Variants in VSNL1 observed in about 807,000 individuals in gnomAD.
VSNL1 encodes the protein visinin like 1.
VSNL1 carries 6 observed loss-of-function variants against 20.4 expected under a neutral mutation model. The ratio of observed to expected loss-of-function variants is 0.29; its 90% CI spans 0.16 to 0.58. The LOEUF (loss-of-function observed/expected upper bound fraction) is 0.58, where lower values mean the gene tolerates loss of function less well. Ranked by LOEUF, VSNL1 falls within the 20% of genes least tolerant of loss-of-function variation. The pLI, the probability that VSNL1 is intolerant of heterozygous loss-of-function variation, is 0.90. For synonymous variants in VSNL1, 93 were observed against 86.4 expected (o/e 1.08, Z -0.42); for missense variants, 100 against 234.5 (o/e 0.43, Z 3.75).
intron 1 of VSNL1, among the ~76,000 whole-genome samples, chr2:17,591,001 AGT>A (rs1249298020): frequency 2.6e-5 from 4 of 152,126 alleles, no homozygotes; most frequent in Non-Finnish European, 5.9e-5. Flanking sequence ...TATTAGCAAT[AGT>A]CTTATTATTA....
chr2:17,606,184 T>C (rs1664940144), intron 2 of VSNL1, among the ~76,000 whole-genome samples: 1 of 152,194 alleles, frequency 6.6e-6, no homozygotes, highest in Admixed American at 6.5e-5. Flanking sequence ...GTGATCCTCA[T>C]CCCCACTAAT....
At chr2:17,650,770 T>G (rs1228736259) in intron 3 of VSNL1, among the ~76,000 whole-genome samples, 2 of 152,264 alleles carry the variant, frequency 1.3e-5, no homozygotes, top group South Asian at 4.1e-4. Context: ...ACCCATCAAC[T>G]CCCTGCCTGG....
chr2:17,623,350 C>T (rs1665429215), intron 2 of VSNL1, among the ~76,000 whole-genome samples: 1 of 152,054 alleles, frequency 6.6e-6, no homozygotes, highest in African/African-American at 2.4e-5. Flanking sequence ...GATGCCACAA[C>T]AGAAAAATGG....
intron 1 of VSNL1, among the ~76,000 whole-genome samples, chr2:17,583,367 T>C (rs1178656860): frequency 6.6e-6 from 1 of 152,220 alleles, no homozygotes; most frequent in Non-Finnish European, 1.5e-5. Context: ...CACTGGGACT[T>C]GGCAGCACAA....
chr2:17,556,809 A>G (rs375945094), intron 1 of VSNL1, among the ~76,000 whole-genome samples: 1 of 152,212 alleles, frequency 6.6e-6, no homozygotes, highest in African/African-American at 2.4e-5. Context: ...GCATGAATCA[A>G]AGGACACCAA....
chr2:17,626,900 G>T (rs1665521469), intron 2 of VSNL1, among the ~76,000 whole-genome samples: 1 of 152,244 alleles, frequency 6.6e-6, no homozygotes, highest in Non-Finnish European at 1.5e-5. Flanking sequence ...AGCCTGGCCT[G>T]ACCATGGCCA....
At position 17,655,967 on chromosome 2, in the gene VSNL1, T is replaced by C. The variant is rs1666221828; in HGVS notation, c.*573T>C. The C allele has an allele frequency of 6.5e-6, 1 of 152,910 alleles. No homozygotes were observed. The highest frequency in any genetic ancestry group is 6.5e-5 in the Admixed American group (1 of 15,298). The allele number at this position is 152,910 out of a possible 1,614,324, so 9.5% of individuals were successfully genotyped here. A position where few individuals can be genotyped will look rare whatever the true frequency, so the allele number is the denominator to read the frequency against. ...TAATTCTTACCTCATTTGCATCCTA[T>C]CGATCTGGAAAGAGCTGTTTTGGAT... is the stretch of plus-strand genomic sequence containing the variant. On this transcript the variant is annotated 3_prime_UTR_variant, in exon 4 of 4. Coordinates refer to ENST00000295156, the MANE Select transcript of VSNL1 (RefSeq NM_003385.5). This position sits in a 1 kb window ranked among gnomAD's most constrained non-coding sequence, Gnocchi z 5.2.
intron 2 of VSNL1, among the ~76,000 whole-genome samples, chr2:17,629,103 C>T (rs1269648057): frequency 6.6e-6 from 1 of 152,220 alleles, no homozygotes; most frequent in African/African-American, 2.4e-5. Context: ...TCCCACCTGG[C>T]CCTTCTGGGC....
intron 1 of VSNL1, among the ~76,000 whole-genome samples, chr2:17,545,307 CT>C (rs1314436534): frequency 6.6e-6 from 1 of 151,924 alleles, no homozygotes. Flanking sequence ...GAGAGAGACC[CT>C]ATCTCAAAAA....
At chr2:17,648,410 T>C (rs964034457) in intron 2 of VSNL1, among the ~76,000 whole-genome samples, 12 of 152,202 alleles carry the variant, frequency 7.9e-5, no homozygotes, top group African/African-American at 2.4e-4. Flanking sequence ...GCTGCTCACC[T>C]GGTCCACTTA....
chr2:17,607,846 A>C (rs188640089), intron 2 of VSNL1, among the ~76,000 whole-genome samples: 68 of 152,378 alleles, frequency 4.5e-4, no homozygotes, highest in Admixed American at 2.5e-3. Flanking sequence ...AGTGTTATCC[A>C]GAATAATGAG....
At chr2:17,571,314 G>T (rs181283265) in intron 1 of VSNL1, among the ~76,000 whole-genome samples, 445 of 152,200 alleles carry the variant, frequency 2.9e-3, no homozygotes, top group African/African-American at 0.01. Flanking sequence ...CAACATTGTA[G>T]CCTTTAATCT....
At chr2:17,550,372 G>C (rs1164395450) in intron 1 of VSNL1, among the ~76,000 whole-genome samples, 1 of 152,108 alleles carries the variant, frequency 6.6e-6, no homozygotes, top group East Asian at 1.9e-4. Context: ...ATTATGGAAG[G>C]TTTGAGACAC....
intron 2 of VSNL1, among the ~76,000 whole-genome samples, chr2:17,647,355 A>G (rs936037491): frequency 2.0e-5 from 3 of 152,118 alleles, no homozygotes; most frequent in Non-Finnish European, 4.4e-5. Context: ...CACTAAGGGG[A>G]CTTGGGAACC....
intron 1 of VSNL1, among the ~76,000 whole-genome samples, chr2:17,581,406 T>C (rs529439880): frequency 6.6e-6 from 1 of 152,372 alleles, no homozygotes; most frequent in African/African-American, 2.4e-5. Context: ...TCCATCAATG[T>C]AGATATACAT....
chr2:17,623,558 TA>T (rs1665434582), intron 2 of VSNL1, among the ~76,000 whole-genome samples: 1 of 151,034 alleles, frequency 6.6e-6, no homozygotes, highest in South Asian at 2.1e-4. Context: ...TAGTCCCAGC[TA>T]CTCGGGAGGC....
At chr2:17,571,944 A>G (rs1315293497) in intron 1 of VSNL1, among the ~76,000 whole-genome samples, 1 of 152,202 alleles carries the variant, frequency 6.6e-6, no homozygotes, top group Non-Finnish European at 1.5e-5. Context: ...AAGTTCACAT[A>G]AAGGCTGTAA....
chr2:17,613,819 G>A (rs572104971), intron 2 of VSNL1, among the ~76,000 whole-genome samples: 12 of 152,310 alleles, frequency 7.9e-5, no homozygotes, highest in African/African-American at 2.9e-4. Context: ...CCATAGAAAT[G>A]TAAATAGCTT....
intron 2 of VSNL1, among the ~76,000 whole-genome samples, chr2:17,630,238 G>T (rs969614864): frequency 6.6e-6 from 1 of 152,182 alleles, no homozygotes; most frequent in Non-Finnish European, 1.5e-5. Flanking sequence ...CACCTCATCT[G>T]CCTAGGCATT....
Sources: gnomAD v4.1 joint callset for allele counts (sites outside exome capture counted in the v4.1 genomes callset) on GRCh38, gnomAD v4.1.1 for gene constraint, Gnocchi (gnomAD v3.1) non-coding constraint, MANE v1.5 for transcripts, NCBI Gene and HGNC (gene_info 2026-07-23, HGNC 2026-07-21) for gene names.